SLC7A1: variants seen among roughly 807,000 people sequenced by gnomAD.
SLC7A1 encodes solute carrier family 7 member 1.
In SLC7A1, 10 loss-of-function variants were observed where a neutral mutation model predicts 53.9. That is an observed-to-expected ratio of 0.19 (90% confidence interval 0.11 to 0.31). The LOEUF is 0.31. SLC7A1 is among the 10% of genes least tolerant of loss of function. The pLI is 1.00. For synonymous variants in SLC7A1, 342 were observed against 338.7 expected (o/e 1.01, Z -0.11); for missense variants, 525 against 827.2 (o/e 0.63, Z 4.48).
Position 29,530,731 on chromosome 13 carries a change from A to G in SLC7A1, c.530-19T>C. The stretch of plus-strand genomic sequence containing the variant: ...AAAAGTCCTGAAAAAGTGCATAGAC[A>G]CAAAACTTTGTCTGAGTGTTAACCA... On this transcript the variant is annotated intron_variant, in intron 4 of 12. Coordinates refer to ENST00000380752, the MANE Select transcript of SLC7A1 (RefSeq NM_003045.5). 6.2e-7 allele frequency: 1 copy of G among 1,610,140 alleles called. No homozygotes were observed. Among genetic ancestry groups the G allele is most frequent in the Non-Finnish European group, 8.5e-7 (1 of 1,176,912 alleles).
intron 12 of SLC7A1, among the ~76,000 whole-genome samples, chr13:29,515,144 G>T (rs1883517787): frequency 6.6e-6 from 1 of 152,204 alleles, no homozygotes; most frequent in Admixed American, 6.5e-5. Context: ...CCTGCCCAGG[G>T]GCTGGGGCCA....
chr13:29,535,816 T>C lies in SLC7A1; in HGVS notation c.370+3A>G. On this transcript the variant is annotated splice_donor_region_variant and intron_variant, in intron 3 of 12. Transcript: ENST00000380752. ...GCACGAGCTCCGGACCCCTGGGACC[T>C]ACCGATGATGTAGGAGAGGATTAAG... 6.2e-7 allele frequency: 1 copy of C among 1,610,636 alleles called. No individual in the cohort carries two copies. Among genetic ancestry groups the C allele is most frequent in the Non-Finnish European group, 8.5e-7 (1 of 1,177,070 alleles).
chr13:29,557,484 T>C (rs1206802780), intron 1 of SLC7A1, among the ~76,000 whole-genome samples: 1 of 152,088 alleles, frequency 6.6e-6, no homozygotes, highest in African/African-American at 2.4e-5. Context: ...CTGTACAGCA[T>C]GTTACTGTAC....
chr13:29,516,014 G>A (rs894847947), intron 12 of SLC7A1, 124 bp downstream of exon 12: 5 of 606,848 alleles, frequency 8.2e-6, no homozygotes, highest in African/African-American at 7.4e-5. Context: ...GCCTACCAGG[G>A]ATTCAGCATT....
chr13:29,525,439 A>C (rs1868840520), intron 5 of SLC7A1, among the ~76,000 whole-genome samples: 1 of 152,120 alleles, frequency 6.6e-6, no homozygotes. Flanking sequence ...GAAGAGAGGA[A>C]CCCTGTAGGA....
intron 11 of SLC7A1, 181 bp downstream of exon 11, chr13:29,516,960 GCCT>G: frequency 3.9e-6 from 2 of 512,970 alleles, no homozygotes; most frequent in Non-Finnish European, 6.7e-6. Context: ...AAGGGCTGCT[GCCT>G]CCTTCCAGGG....
At chr13:29,563,337 G>A (rs1201945619) in intron 1 of SLC7A1, among the ~76,000 whole-genome samples, 2 of 152,186 alleles carry the variant, frequency 1.3e-5, no homozygotes, top group South Asian at 2.1e-4. Context: ...AACGGTGGAC[G>A]GCAAAATGTT....
Position 29,555,436 on chromosome 13 carries a change from C to CATTAATTCA in SLC7A1, c.-114-1585_-114-1577dup, listed in dbSNP as rs369107676. ...CCATGATCACACCAGTGGAACTGAACATTAATTCAATAGTATTTAAAACAC... is the reference window on the plus strand; with the variant it reads ...CCATGATCACACCAGTGGAACTGAACATTAATTCAATTAATTCAATAGTATTTAAAACAC... On this transcript the variant is annotated intron_variant, in intron 1 of 12. Transcript: ENST00000380752. Among the ~76,000 whole-genome samples, 796 of 140,204 alleles carry CATTAATTCA rather than the reference C, an allele frequency of 5.7e-3. 2 individuals carry two copies. Among genetic ancestry groups the CATTAATTCA allele is most frequent in the Non-Finnish European group, 9.6e-3 (629 of 65,430 alleles). 92.0% of individuals were successfully genotyped at this position (140,204 alleles called of 152,430 possible).
chr13:29,567,108 C>T (rs1870999443), intron 1 of SLC7A1, among the ~76,000 whole-genome samples: 2 of 152,186 alleles, frequency 1.3e-5, no homozygotes, highest in African/African-American at 2.4e-5. Flanking sequence ...CTACAACTGC[C>T]GCCTCATCTT....
chr13:29,569,460 G>C (rs571030327), intron 1 of SLC7A1, among the ~76,000 whole-genome samples: 4 of 152,184 alleles, frequency 2.6e-5, no homozygotes, highest in Non-Finnish European at 5.9e-5. Context: ...GCCCCTGATG[G>C]CAACAGCCTT....
intron 2 of SLC7A1, among the ~76,000 whole-genome samples, chr13:29,548,240 A>T (rs1870009682): frequency 6.6e-6 from 1 of 152,220 alleles, no homozygotes; most frequent in African/African-American, 2.4e-5. Context: ...CAGACTTAGG[A>T]GTAGTTCACA....
chr13:29,593,115 A>G (rs949915867), intron 1 of SLC7A1, among the ~76,000 whole-genome samples: 1 of 152,226 alleles, frequency 6.6e-6, no homozygotes, highest in African/African-American at 2.4e-5. Flanking sequence ...TACATCTTCC[A>G]GCCCTGACCC....
intron 1 of SLC7A1, among the ~76,000 whole-genome samples, chr13:29,594,656 A>G (rs1351723669): frequency 1.3e-5 from 2 of 152,222 alleles, no homozygotes; most frequent in Non-Finnish European, 2.9e-5. Context: ...ACTTCCTCTC[A>G]TTCCAAACCA....
intron 1 of SLC7A1, among the ~76,000 whole-genome samples, chr13:29,585,848 T>C (rs987431290): frequency 2.0e-5 from 3 of 151,966 alleles, no homozygotes; most frequent in Non-Finnish European, 2.9e-5. Flanking sequence ...TAACCTACAG[T>C]GCAGGTAAGA....
At chr13:29,581,946 G>C (rs925348567) in intron 1 of SLC7A1, among the ~76,000 whole-genome samples, 2 of 152,160 alleles carry the variant, frequency 1.3e-5, no homozygotes, top group Non-Finnish European at 2.9e-5. Context: ...TTTTCTTCTC[G>C]GAGAAACCTC....
At chr13:29,550,014 C>A (rs943653499) in intron 2 of SLC7A1, among the ~76,000 whole-genome samples, 2 of 152,196 alleles carry the variant, frequency 1.3e-5, no homozygotes, top group African/African-American at 4.8e-5. Context: ...GACATTTTAA[C>A]ATATGCCCCA....
At chr13:29,584,852 T>G (rs141438172) in intron 1 of SLC7A1, among the ~76,000 whole-genome samples, 1 of 152,338 alleles carries the variant, frequency 6.6e-6, no homozygotes, top group East Asian at 1.9e-4. Flanking sequence ...CCCATAAGAT[T>G]TAGTCAAAAA....
At chr13:29,556,174 G>T (rs891356376) in intron 1 of SLC7A1, among the ~76,000 whole-genome samples, 2 of 152,006 alleles carry the variant, frequency 1.3e-5, no homozygotes, top group African/African-American at 2.4e-5. Context: ...GAATGCAGAA[G>T]CACATATATG....
At chr13:29,547,834 T>C (rs989954642) in intron 2 of SLC7A1, among the ~76,000 whole-genome samples, 23 of 152,156 alleles carry the variant, frequency 1.5e-4, no homozygotes, top group African/African-American at 5.6e-4. Flanking sequence ...ATTTCCAAAA[T>C]TAAATGTAAA....
Sources: allele counts gnomAD v4.1 joint callset (sites outside exome capture counted in the v4.1 genomes callset), GRCh38; gene constraint gnomAD v4.1.1; transcripts MANE v1.5; gene names NCBI Gene and HGNC (gene_info 2026-07-23, HGNC 2026-07-21).